The following LRRC4C variants were observed in gnomAD, a reference collection of about 807,000 sequenced individuals.
LRRC4C encodes the protein leucine rich repeat containing 4C, also known as leucine-rich repeat-containing protein 4C.
A neutral mutation model predicts 33.6 loss-of-function variants in LRRC4C; 5 were observed. That is an observed-to-expected ratio of 0.15 (90% confidence interval 0.08 to 0.31). LRRC4C has a LOEUF of 0.31. Ranked by LOEUF, LRRC4C falls within the 10% of genes least tolerant of loss-of-function variation. The pLI is 1.00. For missense variants in LRRC4C, 560 were observed against 796.7 expected, an observed-to-expected ratio of 0.70 and a Z score of 3.58; for synonymous variants, 329 against 302.0, an observed-to-expected ratio of 1.09 and a Z score of -0.93.
intron 5 of LRRC4C, among the ~76,000 whole-genome samples, chr11:40,192,219 C>A (rs571566187): frequency 6.6e-6 from 1 of 152,070 alleles, no homozygotes; most frequent in African/African-American, 2.4e-5. Flanking sequence ...CAGCTCCCAG[C>A]GAGAACAACA....
intron 2 of LRRC4C, among the ~76,000 whole-genome samples, chr11:40,891,586 G>A (rs1955708823): frequency 6.6e-6 from 1 of 151,936 alleles, no homozygotes; most frequent in Admixed American, 6.6e-5. Flanking sequence ...TTAAAAACTG[G>A]GCAGAGGATC....
chr11:41,043,002 T>C (rs1413523706), intron 1 of LRRC4C, among the ~76,000 whole-genome samples: 1 of 125,798 alleles, frequency 7.9e-6, no homozygotes. Context: ...CCTGTTTTGT[T>C]TTTTTTTTTC....
At chr11:40,845,800 G>T (rs558613568) in intron 2 of LRRC4C, among the ~76,000 whole-genome samples, 1 of 152,272 alleles carries the variant, frequency 6.6e-6, no homozygotes, top group Non-Finnish European at 1.5e-5. Context: ...ACCATCAACA[G>T]TGTAAAAGCA....
chr11:41,228,115 GTCTA>G (rs71881101), intron 1 of LRRC4C, among the ~76,000 whole-genome samples: 27,962 of 151,862 alleles, frequency 0.18, 3,128 homozygotes, highest in East Asian at 0.43. Flanking sequence ...CAGTCTGTCT[GTCTA>G]TCTATCACCT....
chr11:41,261,733 A>C (rs927371437), intron 1 of LRRC4C, among the ~76,000 whole-genome samples: 1 of 152,156 alleles, frequency 6.6e-6, no homozygotes, highest in African/African-American at 2.4e-5. Flanking sequence ...TGAAGAATGC[A>C]AGAGAAAATA....
chr11:41,291,742 A>C (rs1390017989), intron 1 of LRRC4C, among the ~76,000 whole-genome samples: 1 of 152,180 alleles, frequency 6.6e-6, no homozygotes, highest in East Asian at 1.9e-4. Flanking sequence ...GATTGAGGAG[A>C]ATTACCCTCA....
intron 1 of LRRC4C, among the ~76,000 whole-genome samples, chr11:41,443,089 A>AT: frequency 0.65 from 68,406 of 105,800 alleles, 24,028 homozygotes; most frequent in South Asian, 0.83. Flanking sequence ...TGTTTGCTTC[A>AT]TTTTTTTTTT....
At chr11:41,449,619 C>T (rs1955953125) in intron 1 of LRRC4C, among the ~76,000 whole-genome samples, 1 of 152,030 alleles carries the variant, frequency 6.6e-6, no homozygotes, top group African/African-American at 2.4e-5. Context: ...TTCTCAACCT[C>T]CTATCTCTGC....
rs571486795 is a variant in LRRC4C at position 41,352,637 on chromosome 11, A to G, written c.-496+106794T>C. 2.6e-5 allele frequency among the ~76,000 whole-genome samples: 4 copies of G among 152,260 alleles called. No individual in the cohort carries two copies. In the East Asian group the frequency reaches 7.7e-4, roughly 29 times the overall value. On this transcript the variant is annotated intron_variant, in intron 1 of 6. Coordinates refer to ENST00000528697, the MANE Select transcript of LRRC4C (RefSeq NM_001258419.2). ...CTCAGCCATAAAGTAATTCTCAAAA[A>G]GTTAAAAAAATAAAATAAAATTATA...
chr11:40,152,548 G>T (rs111977386), intron 5 of LRRC4C, among the ~76,000 whole-genome samples: 6 of 152,190 alleles, frequency 3.9e-5, no homozygotes, highest in Non-Finnish European at 7.3e-5. Flanking sequence ...CCTCCAGCAA[G>T]TTTTCAAGTC....
intron 2 of LRRC4C, among the ~76,000 whole-genome samples, chr11:40,738,671 T>C (rs1299794167): frequency 1.3e-5 from 2 of 152,110 alleles, no homozygotes; most frequent in Non-Finnish European, 2.9e-5. Flanking sequence ...AAAATGAAGA[T>C]AAATTTATCT....
At chr11:41,409,530 C>G (rs570649530) in intron 1 of LRRC4C, among the ~76,000 whole-genome samples, 4 of 152,084 alleles carry the variant, frequency 2.6e-5, no homozygotes, top group African/African-American at 9.7e-5. Flanking sequence ...ATTGGGTTCC[C>G]TATTTTACAA....
chr11:40,116,107 A>G lies in LRRC4C; in HGVS notation c.186T>C (p.Cys62=). The G allele has an allele frequency of 6.2e-7, 1 of 1,614,134 alleles. No homozygotes were observed. Among genetic ancestry groups the G allele is most frequent in the Non-Finnish European group, 8.5e-7 (1 of 1,180,028 alleles). Reference sequence around the variant, plus strand: ...GAACCTCACGCAGGTTTTTCCGAACACAAATCACCTTGCTGAACTGGTTGC... The same window carrying G: ...GAACCTCACGCAGGTTTTTCCGAACGCAAATCACCTTGCTGAACTGGTTGC... The part of the protein sequence containing the change: ...SCSNQFSKVI[C]VRKNLREVPD... The change falls in exon 7 of 7, where the codon TGT becomes TGC. Residue 62 remains cysteine (C), a synonymous_variant. Transcript: ENST00000528697.
intron 1 of LRRC4C, among the ~76,000 whole-genome samples, chr11:41,352,826 A>T (rs1952027972): frequency 6.6e-6 from 1 of 152,118 alleles, no homozygotes. Flanking sequence ...TAAACTAATG[A>T]AAATAAAAAT....
intron 2 of LRRC4C, among the ~76,000 whole-genome samples, chr11:40,885,355 AAGATGTG>A (rs1270442678): frequency 6.6e-6 from 1 of 152,106 alleles, no homozygotes; most frequent in Non-Finnish European, 1.5e-5. Flanking sequence ...TCTAAGTTGC[AAGATGTG>A]AGTGGTATTG....
At chr11:40,746,480 G>C (rs1393334736) in intron 2 of LRRC4C, among the ~76,000 whole-genome samples, 1 of 152,174 alleles carries the variant, frequency 6.6e-6, no homozygotes, top group Non-Finnish European at 1.5e-5. Flanking sequence ...GGTGCGTGTA[G>C]AGTACACAGT....
intron 1 of LRRC4C, among the ~76,000 whole-genome samples, chr11:41,420,481 G>T (rs994967792): frequency 2.0e-5 from 3 of 151,910 alleles, no homozygotes; most frequent in Non-Finnish European, 2.9e-5. Context: ...TTTTAAAATG[G>T]CTTTTAATGA....
chr11:40,115,538 T>C lies in LRRC4C; in HGVS notation c.755A>G (p.Gln252Arg). 6.2e-7 allele frequency: 1 copy of C among 1,614,200 alleles called. No homozygotes were observed. Among genetic ancestry groups the C allele is most frequent in the Non-Finnish European group, 8.5e-7 (1 of 1,180,032 alleles). Residue 252 changes from glutamine (Q) to arginine (R), a missense_variant, in exon 7 of 7, where the codon CAG becomes CGG. By Grantham distance (43) the Gln-to-Arg change is conservative. This residue lies in a region of LRRC4C where 455 missense variants were observed against 643.8 expected (regional missense o/e 0.71). Coordinates refer to ENST00000528697, the MANE Select transcript of LRRC4C (RefSeq NM_001258419.2). The surrounding 1 kb of genome is among the most constrained non-coding windows in gnomAD (Gnocchi z 6.7). Reference protein sequence around the residue: ...LMHLQKLWMIQSQIQVIERNA... With the variant: ...LMHLQKLWMIRSQIQVIERNA... Reference sequence around the variant, plus strand: ...CCGTTCAATCACTTGAATCTGGGACTGTATCATCCACAGTTTTTGAAGGTG... The same window carrying C: ...CCGTTCAATCACTTGAATCTGGGACCGTATCATCCACAGTTTTTGAAGGTG...
chr11:40,606,261 G>C (rs999192164), intron 3 of LRRC4C, among the ~76,000 whole-genome samples: 2 of 152,162 alleles, frequency 1.3e-5, no homozygotes, highest in Non-Finnish European at 2.9e-5. Flanking sequence ...AGAAGTTAGA[G>C]TACTGCAGAC....
Sources: allele counts gnomAD v4.1 joint callset (sites outside exome capture counted in the v4.1 genomes callset), GRCh38; gene constraint gnomAD v4.1.1; regional missense constraint gnomAD v4.1.1; non-coding constraint Gnocchi (gnomAD v3.1); transcripts MANE v1.5; gene names NCBI Gene and HGNC (gene_info 2026-07-23, HGNC 2026-07-21).